The following SH3KBP1 variants were observed in gnomAD, a reference collection of about 807,000 sequenced individuals.
SH3KBP1 encodes the protein SH3 domain-containing kinase-binding protein 1.
A neutral mutation model predicts 50.1 loss-of-function variants in SH3KBP1; 8 were observed. The observed-to-expected ratio is 0.16, with a 90% CI of 0.09 to 0.29. The LOEUF (loss-of-function observed/expected upper bound fraction) is 0.29. SH3KBP1 is among the 10% of genes least tolerant of loss of function. The pLI is 1.00. For synonymous variants in SH3KBP1, 227 were observed against 218.6 expected, an observed-to-expected ratio of 1.04 and a Z score of -0.34; for missense variants, 377 against 535.2, an observed-to-expected ratio of 0.70 and a Z score of 2.92.
chrX:19,547,044 C>T (rs896000597), intron 14 of SH3KBP1, among the ~76,000 whole-genome samples: 8 of 109,803 alleles, frequency 7.3e-5, no homozygotes, highest in Admixed American at 2.9e-4. Flanking sequence ...CCCAGCTACT[C>T]GGGAGGCTGA....
chrX:19,643,809 G>T (rs752263556), intron 7 of SH3KBP1, among the ~76,000 whole-genome samples: 4 of 111,575 alleles, frequency 3.6e-5, no homozygotes, highest in African/African-American at 1.3e-4. Context: ...GGATGAAGAT[G>T]CTGGGATAAA....
chrX:19,738,551 T>G (rs759372309), intron 3 of SH3KBP1, among the ~76,000 whole-genome samples: 2 of 109,934 alleles, frequency 1.8e-5, no homozygotes, highest in Admixed American at 1.9e-4. Flanking sequence ...CAGAGCCTAG[T>G]GTACTGTGTG....
At chrX:19,585,826 A>C (rs896370838) in intron 12 of SH3KBP1, among the ~76,000 whole-genome samples, 1 of 111,867 alleles carries the variant, frequency 8.9e-6, no homozygotes, top group Non-Finnish European at 1.9e-5. Context: ...GGTGATTCGG[A>C]GGCATGCTGA....
chrX:19,547,311 T>C (rs771324565), intron 14 of SH3KBP1, among the ~76,000 whole-genome samples: 2 of 112,046 alleles, frequency 1.8e-5, no homozygotes, highest in Non-Finnish European at 3.8e-5. Flanking sequence ...CAGATCTCTT[T>C]GAGCAAGCTC....
At chrX:19,623,616 G>A (rs1273820644) in intron 8 of SH3KBP1, among the ~76,000 whole-genome samples, 6 of 112,074 alleles carry the variant, frequency 5.4e-5, no homozygotes, top group Non-Finnish European at 1.9e-5. Flanking sequence ...CCCGGCAGGC[G>A]GAGGTTGCAG....
At chrX:19,642,944 T>C (rs2061895202) in intron 7 of SH3KBP1, among the ~76,000 whole-genome samples, 1 of 111,492 alleles carries the variant, frequency 9.0e-6, no homozygotes, top group African/African-American at 3.3e-5. Context: ...TGAGCTAGTA[T>C]TTTAGCATGC....
chrX:19,833,245 A>T (rs1311998859), intron 2 of SH3KBP1, among the ~76,000 whole-genome samples: 1 of 96,116 alleles, frequency 1.0e-5, no homozygotes, highest in Non-Finnish European at 2.1e-5. Context: ...GCCTTCCCAC[A>T]TTCTTCCTTC....
rs140658386 is a variant in SH3KBP1, at chrX:19,798,464, C to T, written c.162+37661G>A. The stretch of plus-strand genomic sequence containing the variant: ...AATAAGTTGGAAACTCAAAGCTGGA[C>T]GGGAAAGGGGTCTTTTGAATTATCA... On this transcript the variant is annotated intron_variant, in intron 2 of 17. Transcript: ENST00000397821. 7.0e-3 allele frequency among the ~76,000 whole-genome samples: 783 copies of T among 111,191 alleles called. 1 individual carries two copies. The highest frequency in any genetic ancestry group is 0.027 in the Middle Eastern group (6 of 219).
intron 2 of SH3KBP1, among the ~76,000 whole-genome samples, chrX:19,804,559 T>G (rs974689628): frequency 4.2e-4 from 47 of 110,644 alleles, no homozygotes; most frequent in African/African-American, 1.4e-3. Flanking sequence ...ATTCCAACAG[T>G]GAAGTTTTCA....
intron 8 of SH3KBP1, among the ~76,000 whole-genome samples, chrX:19,621,777 A>G: frequency 8.9e-6 from 1 of 111,772 alleles, no homozygotes; most frequent in East Asian, 2.8e-4. Context: ...CATGACCCAC[A>G]AAGCCTGAAA....
intron 2 of SH3KBP1, among the ~76,000 whole-genome samples, chrX:19,820,423 T>C (rs2067492023): frequency 8.9e-6 from 1 of 111,864 alleles, no homozygotes; most frequent in Non-Finnish European, 1.9e-5. Context: ...CTACGTCTTC[T>C]TGGTGGAATG....
chrX:19,670,102 G>A (rs1230440076), intron 6 of SH3KBP1, among the ~76,000 whole-genome samples: 8 of 110,660 alleles, frequency 7.2e-5, no homozygotes, highest in Admixed American at 5.8e-4. Flanking sequence ...ACAGACTTCT[G>A]CTTTTAGGTA....
chrX:19,847,251 G>A (rs749616623), intron 1 of SH3KBP1, among the ~76,000 whole-genome samples: 2 of 111,824 alleles, frequency 1.8e-5, no homozygotes, highest in South Asian at 3.7e-4. Context: ...ACTCCCAGGT[G>A]TAGTAATCCT....
chrX:19,886,133 C>T (rs1041676147), intron 1 of SH3KBP1, among the ~76,000 whole-genome samples: 3 of 112,052 alleles, frequency 2.7e-5, no homozygotes, highest in African/African-American at 9.7e-5. Context: ...AACAGATCAC[C>T]ACTACTTAGA....
chrX:19,571,189 G>C (rs1009945182), intron 12 of SH3KBP1, among the ~76,000 whole-genome samples: 3 of 112,264 alleles, frequency 2.7e-5, no homozygotes, highest in Admixed American at 9.4e-5. Flanking sequence ...GACTGTCCTG[G>C]GAGTGTGTGC....
At chrX:19,617,188 G>T (rs2067642355) in intron 8 of SH3KBP1, among the ~76,000 whole-genome samples, 1 of 112,228 alleles carries the variant, frequency 8.9e-6, no homozygotes, top group East Asian at 2.8e-4. Flanking sequence ...AAAAAGCCAG[G>T]GTTGATGTAA....
chrX:19,820,234 T>C (rs1179181375), intron 2 of SH3KBP1, among the ~76,000 whole-genome samples: 1 of 112,456 alleles, frequency 8.9e-6, no homozygotes. Context: ...CTTGGTTGAT[T>C]ATGTTGTTCA....
At chrX:19,758,327 CAAA>C (rs60332447) in intron 2 of SH3KBP1, among the ~76,000 whole-genome samples, 2 of 37,669 alleles carry the variant, frequency 5.3e-5, no homozygotes, top group Non-Finnish European at 6.5e-5. Context: ...GACTTCGTTT[CAAA>C]AAAAAAAAAA....
In SH3KBP1 at chrX:19,565,051, A is replaced by ATTTTTTTTTT. The variant is rs59323105; in HGVS notation, c.1384+4042_1384+4051dup. On this transcript the variant is annotated intron_variant, in intron 13 of 17. Transcript: ENST00000397821. The stretch of plus-strand genomic sequence containing the variant: ...TCAGAGAGACCTGGCTTCAACTCCA[A>ATTTTTTTTTT]TTTTTTTTTTTTTTTTTTTTTTTTT... Among the ~76,000 whole-genome samples the ATTTTTTTTTT allele has an allele frequency of 1.7e-4, 11 of 66,520 alleles. 2 individuals carry two copies. Among genetic ancestry groups the ATTTTTTTTTT allele is most frequent in the African/African-American group, 8.3e-4 (11 of 13,306 alleles). 57.8% of individuals were successfully genotyped at this position (66,520 alleles called of 115,157 possible).
Sources: allele counts gnomAD v4.1 joint callset (sites outside exome capture counted in the v4.1 genomes callset), GRCh38; gene constraint gnomAD v4.1.1; transcripts MANE v1.5; gene names NCBI Gene and HGNC (gene_info 2026-07-23, HGNC 2026-07-21).